The following PTPRT variants were observed in gnomAD, a reference collection of about 807,000 sequenced individuals.
PTPRT encodes receptor-type tyrosine-protein phosphatase T.
In PTPRT, 56 loss-of-function variants were observed where a neutral mutation model predicts 176.8. That is an observed-to-expected ratio of 0.32 (90% confidence interval 0.26 to 0.40). PTPRT has a LOEUF of 0.40. Among genes scored for constraint, PTPRT ranks in the 10% least tolerant of loss-of-function variants. The pLI is 1.00. For missense variants in PTPRT, 1,540 were observed against 1,908.2 expected (o/e 0.81, Z 3.60); for synonymous variants, 783 against 739.0 (o/e 1.06, Z -0.96).
At chr20:42,357,769 C>G (rs1384370084) in intron 9 of PTPRT, among the ~76,000 whole-genome samples, 1 of 152,112 alleles carries the variant, frequency 6.6e-6, no homozygotes, top group Non-Finnish European at 1.5e-5. Flanking sequence ...AAAAAACTAG[C>G]TGGGCATGGT....
chr20:42,248,713 C>G lies in PTPRT; in HGVS notation c.2286G>C (p.Leu762=), dbSNP rs1254661924. 6.2e-7 allele frequency: 1 copy of G among 1,613,940 alleles called. No homozygotes were observed. Among genetic ancestry groups the G allele is most frequent in the African/African-American group, 1.3e-5 (1 of 75,012 alleles). Residue 762 remains leucine (L), a synonymous_variant, in exon 14 of 31, where the codon CTG becomes CTC. Coordinates refer to ENST00000373187, the MANE Select transcript of PTPRT (RefSeq NM_007050.6). ...AGLLMFIIIL[L]GVMLTIKRRR... ...TCCTTTTGATGGTGAGCATCACGCC[C>G]AGGAGAATGATGATGAACATGAGGA...
intron 3 of PTPRT, among the ~76,000 whole-genome samples, chr20:42,786,975 C>G (rs1176467608): frequency 6.6e-6 from 1 of 152,176 alleles, no homozygotes; most frequent in Non-Finnish European, 1.5e-5. Flanking sequence ...CCAAATCCAG[C>G]CCACCACCTG....
At chr20:42,635,413 T>C (rs2074573357) in intron 7 of PTPRT, among the ~76,000 whole-genome samples, 1 of 152,070 alleles carries the variant, frequency 6.6e-6, no homozygotes, top group Non-Finnish European at 1.5e-5. Context: ...AAAAAGAATA[T>C]AGGTTAAGAT....
At chr20:42,777,201 C>T (rs1282194216) in intron 4 of PTPRT, among the ~76,000 whole-genome samples, 1 of 133,594 alleles carries the variant, frequency 7.5e-6, no homozygotes, top group African/African-American at 2.5e-5. Flanking sequence ...GCAGAGCCTC[C>T]CTGCCCTTAG....
At chr20:42,316,492 T>C (rs117556267) in intron 11 of PTPRT, among the ~76,000 whole-genome samples, 1 of 152,334 alleles carries the variant, frequency 6.6e-6, no homozygotes, top group Admixed American at 6.5e-5. Flanking sequence ...ATTCAACTAG[T>C]CTCTTTGCCT....
At chr20:42,386,697 C>T (rs535699403) in intron 9 of PTPRT, among the ~76,000 whole-genome samples, 2 of 152,192 alleles carry the variant, frequency 1.3e-5, no homozygotes, top group African/African-American at 2.4e-5. Context: ...CCTGTCTCTA[C>T]TAAAAATACA....
At chr20:42,670,247 G>A (rs777366715) in intron 7 of PTPRT, among the ~76,000 whole-genome samples, 19 of 152,002 alleles carry the variant, frequency 1.2e-4, no homozygotes, top group Admixed American at 7.9e-4. Context: ...CTAAGTTCCC[G>A]GTTCTCTGCA....
intron 7 of PTPRT, among the ~76,000 whole-genome samples, chr20:42,490,058 C>T (rs2145369401): frequency 6.6e-6 from 1 of 152,320 alleles, no homozygotes; most frequent in Middle Eastern, 3.4e-3. Context: ...TCCAGACATA[C>T]ATGAAATGGT....
In PTPRT at chr20:42,933,129, T is replaced by C. The variant is rs1979969726; in HGVS notation, c.89-47197A>G. On this transcript the variant is annotated intron_variant, in intron 1 of 30. Coordinates refer to ENST00000373187, the MANE Select transcript of PTPRT (RefSeq NM_007050.6). ...TCCCCCATCTGTCTGGCCTCTTTCC[T>C]GCCTTGCACCCAACAGCCTTGCACA... Among the ~76,000 whole-genome samples the C allele has an allele frequency of 2.6e-5, 4 of 152,192 alleles. No homozygotes were observed. In the South Asian group the frequency reaches 8.3e-4, roughly 32 times the overall value.
chr20:43,053,809 C>T (rs1411603120), intron 1 of PTPRT, among the ~76,000 whole-genome samples: 1 of 152,090 alleles, frequency 6.6e-6, no homozygotes, highest in Non-Finnish European at 1.5e-5. Flanking sequence ...TGAACTAGCA[C>T]CAAGCCTGCC....
chr20:43,023,198 T>C (rs963534399), intron 1 of PTPRT, among the ~76,000 whole-genome samples: 1 of 152,142 alleles, frequency 6.6e-6, no homozygotes, highest in Non-Finnish European at 1.5e-5. Flanking sequence ...TAACAGAAAA[T>C]GGCCCTACAC....
chr20:43,031,696 C>T (rs749882032), intron 1 of PTPRT, among the ~76,000 whole-genome samples: 5 of 152,136 alleles, frequency 3.3e-5, no homozygotes, highest in Non-Finnish European at 7.4e-5. Flanking sequence ...TCTCCCCATA[C>T]ATTTTGGTAT....
chr20:42,387,041 T>G (rs147947741), intron 9 of PTPRT, among the ~76,000 whole-genome samples: 1 of 152,170 alleles, frequency 6.6e-6, no homozygotes, highest in Admixed American at 6.5e-5. Flanking sequence ...TGCTCCAGAT[T>G]TCAGGATTCT....
At chr20:42,237,969 G>C (rs2056277962) in intron 14 of PTPRT, among the ~76,000 whole-genome samples, 1 of 152,120 alleles carries the variant, frequency 6.6e-6, no homozygotes, top group Non-Finnish European at 1.5e-5. Context: ...CAGAGTGGGG[G>C]ATACGTCTTC....
At chr20:42,742,022 A>G (rs1181943715) in intron 6 of PTPRT, among the ~76,000 whole-genome samples, 3 of 152,240 alleles carry the variant, frequency 2.0e-5, no homozygotes, top group African/African-American at 7.2e-5. Flanking sequence ...ATTGAAGAAT[A>G]AAAGGTGGCG....
intron 14 of PTPRT, among the ~76,000 whole-genome samples, chr20:42,242,732 A>T (rs1452804084): frequency 6.6e-6 from 1 of 152,170 alleles, no homozygotes; most frequent in Non-Finnish European, 1.5e-5. Context: ...GAACTAAGAA[A>T]CTTGTTTCCA....
intron 6 of PTPRT, among the ~76,000 whole-genome samples, chr20:42,713,041 G>A (rs750478831): frequency 6.6e-5 from 10 of 152,070 alleles, no homozygotes; most frequent in South Asian, 6.2e-4. Context: ...TTTGAAATAC[G>A]CTACAATTTA....
intron 2 of PTPRT, among the ~76,000 whole-genome samples, chr20:42,832,210 T>C (rs901453009): frequency 2.0e-5 from 3 of 152,226 alleles, no homozygotes; most frequent in African/African-American, 7.2e-5. Context: ...TGAGATCATG[T>C]CTTGCAGGAA....
At chr20:42,838,092 T>C (rs1478038180) in intron 2 of PTPRT, among the ~76,000 whole-genome samples, 2 of 152,176 alleles carry the variant, frequency 1.3e-5, no homozygotes, top group South Asian at 2.1e-4. Context: ...AGTAGCATGA[T>C]CTTGGCTCAC....
Sources: gnomAD v4.1 joint callset for allele counts (sites outside exome capture counted in the v4.1 genomes callset) on GRCh38, gnomAD v4.1.1 for gene constraint, MANE v1.5 for transcripts, NCBI Gene and HGNC (gene_info 2026-07-23, HGNC 2026-07-21) for gene names.